The following RASA3 variants were observed in gnomAD, a reference collection of about 807,000 sequenced individuals.
RASA3 encodes ras GTPase-activating protein 3.
In RASA3, 73 loss-of-function variants were observed where a neutral mutation model predicts 110.0. The ratio of observed to expected loss-of-function variants is 0.66; its 90% CI spans 0.55 to 0.81. The LOEUF is 0.81. RASA3 is among the 30% of genes least tolerant of loss of function. The pLI is 0.00. For missense variants in RASA3, 976 were observed against 1,113.2 expected (o/e 0.88, Z 1.75); for synonymous variants, 500 against 451.4 (o/e 1.11, Z -1.37).
At chr13:114,020,187 C>T (rs1217534968) in intron 9 of RASA3, among the ~76,000 whole-genome samples, 1 of 55,822 alleles carries the variant, frequency 1.8e-5, no homozygotes, top group Admixed American at 1.6e-4. Flanking sequence ...CATTAGCCCC[C>T]GCCAGGTGGG....
intron 1 of RASA3, among the ~76,000 whole-genome samples, chr13:114,101,043 GC>G: frequency 1.3e-5 from 2 of 152,320 alleles, no homozygotes; most frequent in South Asian, 4.1e-4. Flanking sequence ...ACACCTGGGG[GC>G]CTGAGGAGCA....
At chr13:114,100,154 C>T (rs1436476096) in intron 1 of RASA3, among the ~76,000 whole-genome samples, 5 of 151,396 alleles carry the variant, frequency 3.3e-5, no homozygotes, top group Non-Finnish European at 7.4e-5. Context: ...AATAGGAAGA[C>T]GCCGAATGGT....
intron 1 of RASA3, among the ~76,000 whole-genome samples, chr13:114,082,987 A>G (rs528873993): frequency 6.6e-6 from 1 of 152,322 alleles, no homozygotes; most frequent in African/African-American, 2.4e-5. Flanking sequence ...AGGATTTGAC[A>G]AACAGAGGCA....
At chr13:114,005,805 T>G (rs1372413371) in intron 18 of RASA3, among the ~76,000 whole-genome samples, 1 of 86,594 alleles carries the variant, frequency 1.2e-5, no homozygotes, top group Admixed American at 1.1e-4. Context: ...GGACACCACC[T>G]TACCCTTCTC....
chr13:114,076,032 G>GGACGAAGCCTCCCGTGTCCGCGCC (rs2079675522), intron 1 of RASA3, among the ~76,000 whole-genome samples: 1 of 152,176 alleles, frequency 6.6e-6, no homozygotes, highest in African/African-American at 2.4e-5. Flanking sequence ...GGCGCCGGCA[G>GGACGAAGCCTCCCGTGTCCGCGCC]GCGTTCCCAG....
At chr13:114,043,837 G>GCCCCCCCGCCC (rs544129523) in intron 3 of RASA3, among the ~76,000 whole-genome samples, 230 of 22,834 alleles carry the variant, frequency 0.01, 22 homozygotes, top group African/African-American at 0.056. Flanking sequence ...CACTCGCTGA[G>GCCCCCCCGCCC]CCCCCCGCCC....
intron 1 of RASA3, among the ~76,000 whole-genome samples, chr13:114,121,693 C>T (rs2080379620): frequency 6.6e-6 from 1 of 152,240 alleles, no homozygotes; most frequent in African/African-American, 2.4e-5. Context: ...ACGCTTCACT[C>T]CTCTGTAGCC....
intron 21 of RASA3, among the ~76,000 whole-genome samples, chr13:113,993,663 C>T (rs1275325600): frequency 6.6e-6 from 1 of 151,532 alleles, no homozygotes; most frequent in Non-Finnish European, 1.5e-5. Context: ...CAAAAATTAG[C>T]CAGGTGTGGT....
chr13:114,062,962 G>A (rs1354782551), intron 2 of RASA3, among the ~76,000 whole-genome samples: 1 of 152,336 alleles, frequency 6.6e-6, no homozygotes, highest in Admixed American at 6.5e-5. Context: ...AGGCACAGCC[G>A]GCGACAGAAC....
chr13:114,023,267 C>T (rs2053964014), intron 8 of RASA3, among the ~76,000 whole-genome samples: 1 of 151,820 alleles, frequency 6.6e-6, no homozygotes, highest in African/African-American at 2.4e-5. Context: ...GCTCGGGGAA[C>T]ATCCCAGGCT....
chr13:114,007,541 A>C lies in RASA3; in HGVS notation c.1734T>G (p.Leu578=), dbSNP rs1376800080. Residue 578 remains leucine, a synonymous_variant, in exon 18 of 24, where the codon CTT becomes CTG. Transcript: ENST00000334062. ...DPKSVEQPIV[L]KEGFMIKRAQ... ...CACCTTACCCTCCTTACCCTTCTTT[A>C]AGCACGATGGGCTGCTCAACACTCT... is the stretch of plus-strand genomic sequence containing the variant. 14 of 1,612,474 alleles carry C rather than the reference A, an allele frequency of 8.7e-6. No individual in the cohort carries two copies. Among genetic ancestry groups the C allele is most frequent in the Non-Finnish European group, 1.2e-5 (14 of 1,179,110 alleles).
rs985258348 is a variant in RASA3, at chr13:114,048,571, G to A, written c.277+3481C>T. Among the ~76,000 whole-genome samples the A allele has an allele frequency of 6.6e-6, 1 of 152,206 alleles. No individual in the cohort carries two copies. Among genetic ancestry groups the A allele is most frequent in the Non-Finnish European group, 1.5e-5 (1 of 68,032 alleles). ...TCCGTGGTTCCCGCATCCCAGCTGCGGGGAGCCATAGTTTCCGGTCTGTGC... is the reference window on the plus strand; with the variant it reads ...TCCGTGGTTCCCGCATCCCAGCTGCAGGGAGCCATAGTTTCCGGTCTGTGC... On this transcript the variant is annotated intron_variant, in intron 3 of 23. Transcript: ENST00000334062. This position sits in a 1 kb window ranked among gnomAD's most constrained non-coding sequence, Gnocchi z 4.3.
chr13:114,029,993 C>T lies in RASA3; in HGVS notation c.373-106G>A, dbSNP rs554819083. On this transcript the variant is annotated intron_variant, in intron 4 of 23. Coordinates refer to ENST00000334062, the MANE Select transcript of RASA3 (RefSeq NM_007368.4). ...TAGAGGGCAAAGGGAGCAGGCGGCC[C>T]CGCCCTGCCCTGGCCAATGGGCACG... 2.2e-5 allele frequency: 23 copies of T among 1,044,744 alleles called. No homozygotes were observed. The East Asian group carries it at 5.7e-4, about 26-fold the overall frequency. The allele number at this position is 1,044,744 out of a possible 1,614,324, so 64.7% of individuals were successfully genotyped here.
At chr13:113,998,399 A>G (rs1422615995) in intron 20 of RASA3, among the ~76,000 whole-genome samples, 1 of 152,236 alleles carries the variant, frequency 6.6e-6, no homozygotes, top group Non-Finnish European at 1.5e-5. Context: ...TGCTAGTAAA[A>G]TTCTGCCAAT....
chr13:114,046,701 C>T (rs746359562), intron 3 of RASA3, among the ~76,000 whole-genome samples: 4 of 152,184 alleles, frequency 2.6e-5, no homozygotes, highest in Non-Finnish European at 5.9e-5. Flanking sequence ...CAATTTGGTT[C>T]GGTGTCCGAG....
chr13:113,995,794 TCCGGCTGATGGGGGTCCGGCTGACG>T (rs2053230034), intron 21 of RASA3, among the ~76,000 whole-genome samples: 1 of 6,330 alleles, frequency 1.6e-4, no homozygotes, highest in Admixed American at 1.5e-3. Context: ...TGACGGGGGG[TCCGGCTGATGGGGGTCCGGCTGACG>T]GGGGGCCCGG....
At chr13:114,030,172 G>C (rs1050864938) in intron 4 of RASA3, among the ~76,000 whole-genome samples, 1 of 152,258 alleles carries the variant, frequency 6.6e-6, no homozygotes, top group African/African-American at 2.4e-5. Context: ...GGGTCCAACC[G>C]TGTAGGAGAC....
rs1566457143 is a variant in RASA3 at position 113,998,317 on chromosome 13, T to TCCTCTTCCCAC, written c.1932+1267_1932+1268insGTGGGAAGAGG. 3.2e-3 allele frequency among the ~76,000 whole-genome samples: 493 copies of TCCTCTTCCCAC among 152,024 alleles called. 3 individuals are homozygous for TCCTCTTCCCAC. Among genetic ancestry groups the TCCTCTTCCCAC allele is most frequent in the African/African-American group, 0.011 (453 of 41,476 alleles). On this transcript the variant is annotated intron_variant, in intron 20 of 23. Transcript: ENST00000334062. ...CCTCTTCCCAGCCCTCCTCTTCCCA[T>TCCTCTTCCCAC]GCCCTCCTCTTCAAATTACTCTCCA...
intron 1 of RASA3, among the ~76,000 whole-genome samples, chr13:114,088,656 G>T (rs191684648): frequency 6.6e-6 from 1 of 151,716 alleles, no homozygotes; most frequent in Admixed American, 6.6e-5. Context: ...GGTTCAAACA[G>T]TCTCCTGCCT....
Sources: gnomAD v4.1 joint callset for allele counts (sites outside exome capture counted in the v4.1 genomes callset) on GRCh38, gnomAD v4.1.1 for gene constraint, Gnocchi (gnomAD v3.1) non-coding constraint, MANE v1.5 for transcripts, NCBI Gene and HGNC (gene_info 2026-07-23, HGNC 2026-07-21) for gene names.